PNPLA3: variants seen among roughly 807,000 people sequenced by gnomAD.
PNPLA3 encodes 1-acylglycerol-3-phosphate O-acyltransferase PNPLA3.
A neutral mutation model predicts 43.1 loss-of-function variants in PNPLA3; 42 were observed. That is an observed-to-expected ratio of 0.97 (90% CI 0.76 to 1.26). PNPLA3 has a LOEUF of 1.26. Among genes scored for constraint, PNPLA3 ranks in the 50% most tolerant of loss-of-function variants. The pLI is 0.00. For missense variants in PNPLA3, 647 were observed against 621.4 expected (o/e 1.04, Z -0.44); for synonymous variants, 272 against 253.6 (o/e 1.07, Z -0.69).
chr22:43,933,215 A>C, intron 4 of PNPLA3, 128 bp downstream of exon 4: 1 of 886,620 alleles, frequency 1.1e-6, no homozygotes, highest in Non-Finnish European at 1.7e-6. Context: ...GGTTAACGGA[A>C]ATAAAAGGCG....
chr22:43,932,844 G>T lies in PNPLA3; in HGVS notation c.487-34G>T, dbSNP rs370189349. 6.3e-6 allele frequency: 10 copies of T among 1,598,504 alleles called. No individual in the cohort carries two copies. In the African/African-American group the frequency reaches 1.3e-4, roughly 21 times the overall value. On this transcript the variant is annotated intron_variant, in intron 3 of 8. Transcript: ENST00000216180. ...ACTTAAGCACTAACCCAGAGCTTCA[G>T]ACAGTGCCAGTCCTTTTTCCCCTTC...
intron 6 of PNPLA3, among the ~76,000 whole-genome samples, chr22:43,937,703 G>A (rs2050005071): frequency 6.6e-6 from 1 of 152,078 alleles, no homozygotes; most frequent in African/African-American, 2.4e-5. Flanking sequence ...CTCCTTTTCA[G>A]CCGCCTCCCT....
chr22:43,944,834 A>G, intron 8 of PNPLA3, 39 bp downstream of exon 8: 2 of 1,534,274 alleles, frequency 1.3e-6, no homozygotes, highest in South Asian at 2.2e-5. Context: ...CCGGACGGGC[A>G]CCTCTCTCAT....
Position 43,923,946 on chromosome 22 carries a change from T to C in PNPLA3, c.35T>C (p.Phe12Ser). ...GCAGAGCGCGGCTGGAGCTTGTCCTTCGCGGGCTGCGGCTTCCTGGGCTTC... is the reference window on the plus strand; with the variant it reads ...GCAGAGCGCGGCTGGAGCTTGTCCTCCGCGGGCTGCGGCTTCCTGGGCTTC... ...YDAERGWSLS[F>S]AGCGFLGFYH... Residue 12 changes from phenylalanine (F) to serine (S), a missense_variant, in exon 1 of 9, where the codon TTC becomes TCC. Physicochemically the swap from Phe to Ser is radical, Grantham distance 155. Transcript: ENST00000216180. The C allele has an allele frequency of 1.9e-6, 3 of 1,581,002 alleles. No individual in the cohort carries two copies. The highest frequency in any genetic ancestry group is 2.6e-6 in the Non-Finnish European group (3 of 1,172,090).
chr22:43,944,472 T>G (rs371700449), intron 7 of PNPLA3, among the ~76,000 whole-genome samples: 4 of 152,114 alleles, frequency 2.6e-5, no homozygotes, highest in Admixed American at 2.0e-4. Flanking sequence ...TCCCTCTTTA[T>G]TTCAGTGTAA....
At position 43,924,034 on chromosome 22, in the gene PNPLA3, C is replaced by G. The variant is rs766417146; in HGVS notation, c.123C>G (p.Arg41=). 5.1e-6 allele frequency: 8 copies of G among 1,581,338 alleles called. No homozygotes were observed. Among genetic ancestry groups the G allele is most frequent in the Middle Eastern group, 1.7e-4 (1 of 5,970 alleles). ...EHAPHLLRDA[R]MLFGASAGAL... ...CCCCGCACCTCCTCCGCGACGCGCGCATGTTGTTCGGCGCTTCGGCCGGGG... is the reference window on the plus strand; with the variant it reads ...CCCCGCACCTCCTCCGCGACGCGCGGATGTTGTTCGGCGCTTCGGCCGGGG... Residue 41 remains arginine (R), a synonymous_variant, in exon 1 of 9, where the codon CGC becomes CGG. Transcript: ENST00000216180.
chr22:43,946,464 G>A lies in PNPLA3; in HGVS notation c.*82G>A, dbSNP rs2050064318. 7.6e-7 allele frequency: 1 copy of A among 1,321,302 alleles called. No individual in the cohort carries two copies. The highest frequency in any genetic ancestry group is 2.3e-5 in the East Asian group (1 of 43,172). The allele number at this position is 1,321,302 out of a possible 1,614,324, so 81.8% of individuals were successfully genotyped here. On this transcript the variant is annotated 3_prime_UTR_variant, in exon 9 of 9. Transcript: ENST00000216180. ...TTTGTGCAGCTACCTCCGCATTGCT[G>A]TGTAGTGACCCCTGCCTGTGACGTG...
In PNPLA3 at chr22:43,946,449, T is replaced by C; in HGVS notation, c.*67T>C. On this transcript the variant is annotated 3_prime_UTR_variant, in exon 9 of 9. Coordinates refer to ENST00000216180, the MANE Select transcript of PNPLA3 (RefSeq NM_025225.3). ...CTAAAGTTTCCCATCTTTGTGCAGC[T>C]ACCTCCGCATTGCTGTGTAGTGACC... is the stretch of plus-strand genomic sequence containing the variant. The C allele has an allele frequency of 7.1e-7, 1 of 1,406,614 alleles. No homozygotes were observed. The highest frequency in any genetic ancestry group is 1.0e-6 in the Non-Finnish European group (1 of 993,700). The allele number at this position is 1,406,614 out of a possible 1,614,324, so 87.1% of individuals were successfully genotyped here. A position where few individuals can be genotyped will look rare whatever the true frequency, so the allele number is the denominator to read the frequency against.
chr22:43,924,873 CT>C (rs927436911), intron 1 of PNPLA3, among the ~76,000 whole-genome samples: 16 of 152,236 alleles, frequency 1.1e-4, no homozygotes, highest in African/African-American at 3.8e-4. Flanking sequence ...TGGTCTCGAT[CT>C]CCTGACCTCG....
At chr22:43,940,244 T>C in intron 7 of PNPLA3, 119 bp downstream of exon 7, 1 of 1,227,924 alleles carries the variant, frequency 8.1e-7, no homozygotes, top group South Asian at 1.4e-5. Flanking sequence ...AGATCACAGC[T>C]CACAGTCTAT....
At chr22:43,926,040 G>A (rs1039208346) in intron 1 of PNPLA3, among the ~76,000 whole-genome samples, 37 of 152,340 alleles carry the variant, frequency 2.4e-4, no homozygotes, top group Middle Eastern at 3.4e-3. Context: ...AGGGCTCCAG[G>A]TTCCTGCTTT....
At chr22:43,937,544 C>T (rs1290864997) in intron 6 of PNPLA3, among the ~76,000 whole-genome samples, 1 of 152,182 alleles carries the variant, frequency 6.6e-6, no homozygotes, top group Admixed American at 6.5e-5. Context: ...TGGGGTTCCC[C>T]ATATAGGCTC....
chr22:43,940,010 A>G lies in PNPLA3; in HGVS notation c.997A>G (p.Lys333Glu). The change falls in exon 7 of 9, where the codon AAA (lysine) becomes GAA (glutamate). Residue 333 changes from lysine (K) to glutamate (E), a missense_variant. Coordinates refer to ENST00000216180, the MANE Select transcript of PNPLA3 (RefSeq NM_025225.3). ...RLATALSEEM[K>E]DKGGYMSKIC... is the part of the protein sequence containing the mutation. Reference sequence around the variant, plus strand: ...TTTTTCAGCACTGAGTGAAGAAATGAAAGACAAAGGTGGATACATGAGCAA... The same window carrying G: ...TTTTTCAGCACTGAGTGAAGAAATGGAAGACAAAGGTGGATACATGAGCAA... 6.2e-7 allele frequency: 1 copy of G among 1,614,224 alleles called. No individual in the cohort carries two copies. The highest frequency in any genetic ancestry group is 8.5e-7 in the Non-Finnish European group (1 of 1,180,034).
At chr22:43,945,113 G>A (rs2050054604) in intron 8 of PNPLA3, among the ~76,000 whole-genome samples, 1 of 152,224 alleles carries the variant, frequency 6.6e-6, no homozygotes, top group African/African-American at 2.4e-5. Flanking sequence ...AGAGTGGCTG[G>A]GATGAGGACT....
At chr22:43,935,483 C>T (rs766233396) in intron 5 of PNPLA3, among the ~76,000 whole-genome samples, 21 of 151,986 alleles carry the variant, frequency 1.4e-4, no homozygotes, top group Non-Finnish European at 2.5e-4. Flanking sequence ...GGAGAAGACA[C>T]AGGATGCTGG....
chr22:43,946,146 T>G lies in PNPLA3; in HGVS notation c.1218-8T>G, dbSNP rs2050061764. On this transcript the variant is annotated splice_polypyrimidine_tract_variant and splice_region_variant and intron_variant, in intron 8 of 8. Coordinates refer to ENST00000216180, the MANE Select transcript of PNPLA3 (RefSeq NM_025225.3). ...GGCCTCTAAGCCAACTTCCTCCATG[T>G]GTTTCAGGTCCCAAATGCCAGTGAG... 6.2e-7 allele frequency: 1 copy of G among 1,611,196 alleles called. No individual in the cohort carries two copies. The highest frequency in any genetic ancestry group is 1.3e-5 in the African/African-American group (1 of 74,828).
Position 43,944,756 on chromosome 22 carries a change from T to A in PNPLA3, c.1178T>A (p.Val393Glu). Reference protein sequence around the residue: ...VLWLQWVTSQVFTRVLMCLLP... With the variant: ...VLWLQWVTSQEFTRVLMCLLP... ...TGGTTGCAGTGGGTGACCTCACAGG[T>A]GTTCACTCGAGTGCTGATGTGTCTG... The change falls in exon 8 of 9, where the codon GTG becomes GAG. Residue 393 changes from valine to glutamate, a missense_variant. Val to Glu is a moderately radical substitution (Grantham distance 121). Transcript: ENST00000216180. 1 of 1,614,156 alleles carries A rather than the reference T, an allele frequency of 6.2e-7. No homozygotes were observed. The highest frequency in any genetic ancestry group is 8.5e-7 in the Non-Finnish European group (1 of 1,180,030).
intron 6 of PNPLA3, among the ~76,000 whole-genome samples, 180 bp from the exon 7 acceptor site, chr22:43,939,813 T>G (rs1443889512): frequency 1.3e-5 from 2 of 152,104 alleles, no homozygotes; most frequent in Non-Finnish European, 2.9e-5. Flanking sequence ...AGCAAAACTC[T>G]GTCTGGAAAA....
chr22:43,938,747 A>G (rs553145137), intron 6 of PNPLA3, among the ~76,000 whole-genome samples: 1 of 152,322 alleles, frequency 6.6e-6, no homozygotes, highest in South Asian at 2.1e-4. Context: ...ATATGACCAG[A>G]TTAATACGAT....
Sources: allele counts gnomAD v4.1 joint callset (sites outside exome capture counted in the v4.1 genomes callset), GRCh38; gene constraint gnomAD v4.1.1; transcripts MANE v1.5; gene names NCBI Gene and HGNC (gene_info 2026-07-23, HGNC 2026-07-21).